Variants in GLDC observed in about 807,000 individuals in gnomAD.
The protein encoded by GLDC is glycine dehydrogenase (decarboxylating), mitochondrial.
GLDC carries 104 observed loss-of-function variants against 121.3 expected under a neutral mutation model. That is an observed-to-expected ratio of 0.86 (90% CI 0.73 to 1.01). GLDC has a LOEUF of 1.01. Ranked by LOEUF, GLDC falls within the 50% of genes least tolerant of loss-of-function variation. The pLI, the probability that GLDC is intolerant of heterozygous loss-of-function variation, is 0.00. For synonymous variants in GLDC, 546 were observed against 480.6 expected (o/e 1.14, Z -1.78); for missense variants, 1,429 against 1,306.6 (o/e 1.09, Z -1.44).
intron 17 of GLDC, among the ~76,000 whole-genome samples, chr9:6,556,800 AAAAAAG>A (rs1390607074): frequency 3.9e-5 from 6 of 152,024 alleles, no homozygotes; most frequent in East Asian, 3.9e-4. Flanking sequence ...CGTCAAAAAA[AAAAAAG>A]AAAAAAGAAA....
chr9:6,612,996 T>A (rs1038454656), intron 3 of GLDC, among the ~76,000 whole-genome samples: 1 of 152,166 alleles, frequency 6.6e-6, no homozygotes, highest in East Asian at 1.9e-4. Context: ...ATACAAAACG[T>A]TCTCGTTTTT....
intron 16 of GLDC, among the ~76,000 whole-genome samples, chr9:6,561,994 C>T (rs1048926124): frequency 7.2e-5 from 11 of 152,330 alleles, no homozygotes; most frequent in African/African-American, 2.4e-4. Context: ...TTACATATAA[C>T]ATAATTTGTT....
In GLDC at chr9:6,624,035, T is replaced by G. The variant is rs542208229; in HGVS notation, c.335-3716A>C. ...AAGGGCTCTGTCTGTCAAACTGAGT[T>G]TAGCCTTTGGAAATAAAGCTGGATA... On this transcript the variant is annotated intron_variant, in intron 2 of 24. Coordinates refer to ENST00000321612, the MANE Select transcript of GLDC (RefSeq NM_000170.3). 3.3e-5 allele frequency among the ~76,000 whole-genome samples: 5 copies of G among 152,350 alleles called. No homozygotes were observed. In the East Asian group the frequency reaches 5.8e-4, roughly 18 times the overall value.
chr9:6,535,947 C>G (rs1486236502), intron 23 of GLDC, 117 bp downstream of exon 23: 1 of 905,080 alleles, frequency 1.1e-6, no homozygotes, highest in Non-Finnish European at 1.8e-6. Context: ...GAAGAATTAC[C>G]TTATTCTAGG....
At chr9:6,569,577 G>A (rs778323719) in intron 15 of GLDC, among the ~76,000 whole-genome samples, 4 of 151,984 alleles carry the variant, frequency 2.6e-5, no homozygotes, top group Admixed American at 6.6e-5. Flanking sequence ...GCTTGAACCC[G>A]GGAGGCGGAG....
rs192663616 is a variant in GLDC at position 6,605,126 on chromosome 9, C to T, written c.861+5G>A. 49 of 1,611,960 alleles carry T rather than the reference C, an allele frequency of 3.0e-5. No homozygotes were observed. The highest frequency in any genetic ancestry group is 4.3e-4 in the Middle Eastern group (2 of 4,602). On this transcript the variant is annotated splice_donor_5th_base_variant and intron_variant, in intron 6 of 24. Transcript: ENST00000321612. ...ACGGACCCCCCACAAGAAAGGTATA[C>T]CTACCCCACTCTGATGAGCTCTCTC...
chr9:6,588,985 T>A (rs1056306563), intron 12 of GLDC, among the ~76,000 whole-genome samples: 3 of 152,150 alleles, frequency 2.0e-5, no homozygotes, highest in East Asian at 1.9e-4. Context: ...CATCCCTGCT[T>A]CCTGACTGCC....
At chr9:6,642,223 A>T (rs1220077208) in intron 2 of GLDC, among the ~76,000 whole-genome samples, 1 of 152,162 alleles carries the variant, frequency 6.6e-6, no homozygotes, top group African/African-American at 2.4e-5. Context: ...ATGTCACAGA[A>T]GCTGCTAGGT....
chr9:6,587,157 A>C lies in GLDC; in HGVS notation c.1834T>G (p.Cys612Gly), dbSNP rs1220787758. The change falls in exon 15 of 25, where the codon TGT (cysteine) becomes GGT (glycine). Residue 612 changes from cysteine (C) to glycine (G), a missense_variant. Physicochemically the swap from Cys to Gly is radical, Grantham distance 159. Transcript: ENST00000321612. ...TGCCCTTACCTGTTTGGCTGGAAACAGACCTGGTCATAACCTGTGAGTTCA... is the reference window on the plus strand; with the variant it reads ...TGCCCTTACCTGTTTGGCTGGAAACCGACCTGGTCATAACCTGTGAGTTCA... ...LCELTGYDQV[C>G]FQPNSGAQGE... 2 of 1,613,656 alleles carry C rather than the reference A, an allele frequency of 1.2e-6. No homozygotes were observed. Among genetic ancestry groups the C allele is most frequent in the Admixed American group, 3.3e-5 (2 of 60,024 alleles).
At chr9:6,542,404 TA>T (rs1184340900) in intron 21 of GLDC, 1 of 152,120 alleles carries the variant, frequency 6.6e-6, no homozygotes, top group East Asian at 2.0e-4. Flanking sequence ...CATGCCCAGC[TA>T]ATTTTTGTAT....
In GLDC at chr9:6,605,277, A is replaced by T. The variant is rs1344931491; in HGVS notation, c.715T>A (p.Tyr239Asn). 1.9e-6 allele frequency: 3 copies of T among 1,613,572 alleles called. No homozygotes were observed. In the African/African-American group the frequency reaches 4.0e-5, roughly 22 times the overall value. Residue 239 changes from tyrosine (Y) to asparagine (N), a missense_variant and splice_region_variant, in exon 6 of 25, where the codon TAT becomes AAT. By Grantham distance (143) the Tyr-to-Asn change is moderately radical. Coordinates refer to ENST00000321612, the MANE Select transcript of GLDC (RefSeq NM_000170.3). Reference protein sequence around the residue: ...TIAVVQTRAKYTGVLTELKLP... With the variant: ...TIAVVQTRAKNTGVLTELKLP... Reference sequence around the variant, plus strand: ...TTCAGCTCAGTGAGGACTCCAGTATATCTGGAAAGACAGACAACAAAGAAC... The same window carrying T: ...TTCAGCTCAGTGAGGACTCCAGTATTTCTGGAAAGACAGACAACAAAGAAC...
At position 6,554,625 on chromosome 9, in the gene GLDC, TTC is replaced by T. The variant is rs746687513; in HGVS notation, c.2315+42_2315+43del. 2.8e-5 allele frequency: 37 copies of T among 1,340,790 alleles called. No homozygotes were observed. The Admixed American group carries it at 5.6e-4, about 20-fold the overall frequency. The allele number at this position is 1,340,790 out of a possible 1,614,324, so 83.1% of individuals were successfully genotyped here. A position where few individuals can be genotyped will look rare whatever the true frequency, so the allele number is the denominator to read the frequency against. On this transcript the variant is annotated intron_variant, in intron 19 of 24. Coordinates refer to ENST00000321612, the MANE Select transcript of GLDC (RefSeq NM_000170.3). ...TAGTCTATTTAGGGCCACTCCTTCA[TTC>T]TGTCTCCAAAGCCATCCTGAAACCA...
intron 2 of GLDC, among the ~76,000 whole-genome samples, chr9:6,644,084 C>T (rs1352495373): frequency 2.4e-5 from 3 of 127,008 alleles, no homozygotes; most frequent in Non-Finnish European, 3.3e-5. Flanking sequence ...AAAAACCATT[C>T]GGACTCGAAA....
chr9:6,630,938 G>C lies in GLDC; in HGVS notation c.335-10619C>G, dbSNP rs190424637. On this transcript the variant is annotated intron_variant, in intron 2 of 24. Coordinates refer to ENST00000321612, the MANE Select transcript of GLDC (RefSeq NM_000170.3). ...CTGTTACTTGTCAAGTTTCCTCCCTGGGCAGAGGAGGGTTTCACTAGCCAA... is the reference window on the plus strand; with the variant it reads ...CTGTTACTTGTCAAGTTTCCTCCCTCGGCAGAGGAGGGTTTCACTAGCCAA... Among the ~76,000 whole-genome samples, 38 of 152,276 alleles carry C rather than the reference G, an allele frequency of 2.5e-4. 1 individual carries two copies. The highest frequency in any genetic ancestry group is 2.5e-3 in the Admixed American group (38 of 15,294).
chr9:6,549,656 G>T (rs1350867214), intron 21 of GLDC, among the ~76,000 whole-genome samples: 1 of 152,072 alleles, frequency 6.6e-6, no homozygotes, highest in African/African-American at 2.4e-5. Context: ...ATGTGTAAAA[G>T]GATGCCTGGT....
chr9:6,565,332 C>T (rs781148068), intron 16 of GLDC, 22 bp downstream of exon 16: 7 of 1,575,382 alleles, frequency 4.4e-6, no homozygotes, highest in South Asian at 2.2e-5. Context: ...GGTGAGCAAG[C>T]GCCACCTCCT....
At chr9:6,536,347 C>T in intron 22 of GLDC, 111 bp from the exon 23 acceptor site, 4 of 977,332 alleles carry the variant, frequency 4.1e-6, no homozygotes, top group South Asian at 2.8e-5. Flanking sequence ...TCATCAGATA[C>T]ATTTGCAAAT....
chr9:6,613,267 T>G (rs1042362540), intron 3 of GLDC, among the ~76,000 whole-genome samples: 1 of 152,224 alleles, frequency 6.6e-6, no homozygotes, highest in African/African-American at 2.4e-5. Context: ...AACTTTAACA[T>G]AACTACAGTT....
At chr9:6,599,103 G>C (rs567668006) in intron 8 of GLDC, among the ~76,000 whole-genome samples, 6 of 151,666 alleles carry the variant, frequency 4.0e-5, no homozygotes, top group Admixed American at 1.3e-4. Context: ...AGTATCGCTT[G>C]AACCCGGAAG....
Sources: gnomAD v4.1 joint callset for allele counts (sites outside exome capture counted in the v4.1 genomes callset) on GRCh38, gnomAD v4.1.1 for gene constraint, MANE v1.5 for transcripts, NCBI Gene and HGNC (gene_info 2026-07-23, HGNC 2026-07-21) for gene names.